Variants in AFF2 observed in about 807,000 individuals in gnomAD.
AFF2 encodes ALF transcription elongation factor 2, also known as AF4/FMR2 family member 2.
AFF2 carries 14 observed loss-of-function variants against 76.9 expected under a neutral mutation model. The ratio of observed to expected loss-of-function variants is 0.18; its 90% CI spans 0.12 to 0.28. AFF2 has a LOEUF of 0.28. Among genes scored for constraint, AFF2 ranks in the 10% least tolerant of loss-of-function variants. The pLI is 1.00. For missense variants in AFF2, 868 were observed against 1,001.1 expected (o/e 0.87, Z 1.79); for synonymous variants, 398 against 366.7 (o/e 1.09, Z -0.98).
chrX:148,797,967 C>T (rs916036700), intron 3 of AFF2, among the ~76,000 whole-genome samples: 1 of 112,261 alleles, frequency 8.9e-6, no homozygotes, highest in Non-Finnish European at 1.9e-5. Flanking sequence ...TATACCCTCC[C>T]TGTCTTAGTC....
At chrX:148,756,368 G>C (rs1557266891) in intron 3 of AFF2, among the ~76,000 whole-genome samples, 1 of 112,315 alleles carries the variant, frequency 8.9e-6, no homozygotes, top group Non-Finnish European at 1.9e-5. Context: ...TGTGTACCTT[G>C]AACTGGGAAT....
At chrX:148,680,015 T>A (rs1376088994) in intron 3 of AFF2, among the ~76,000 whole-genome samples, 2 of 112,073 alleles carry the variant, frequency 1.8e-5, no homozygotes, top group African/African-American at 3.2e-5. Context: ...TCCAAGAAAA[T>A]CAATGTTTCA....
chrX:148,559,245 T>A (rs371028280), intron 1 of AFF2, among the ~76,000 whole-genome samples: 1 of 111,688 alleles, frequency 9.0e-6, no homozygotes, highest in South Asian at 3.8e-4. Context: ...TCAAGACGCA[T>A]GCAGAAAAAT....
chrX:148,861,611 T>C (rs2070848793), intron 7 of AFF2, among the ~76,000 whole-genome samples: 1 of 111,343 alleles, frequency 9.0e-6, no homozygotes, highest in Admixed American at 9.6e-5. Flanking sequence ...AGAATTTTTT[T>C]TCCCAGAATC....
chrX:148,969,316 G>C (rs1232062679), intron 15 of AFF2, among the ~76,000 whole-genome samples: 1 of 112,638 alleles, frequency 8.9e-6, no homozygotes, highest in Non-Finnish European at 1.9e-5. Flanking sequence ...TTGCAATGGG[G>C]TGTGACCCTC....
chrX:148,870,142 C>T (rs782637503), intron 7 of AFF2, among the ~76,000 whole-genome samples: 54 of 111,278 alleles, frequency 4.9e-4, no homozygotes, highest in Non-Finnish European at 7.7e-4. Context: ...TCCCATCCTA[C>T]GTAGAGGGAA....
chrX:148,986,654 G>A (rs184709339), intron 19 of AFF2, among the ~76,000 whole-genome samples: 1 of 112,761 alleles, frequency 8.9e-6, no homozygotes, highest in East Asian at 2.8e-4. Context: ...CTGCTCCTTG[G>A]GGGGCTGTAA....
At chrX:148,629,695 C>T (rs1474546813) in intron 1 of AFF2, among the ~76,000 whole-genome samples, 1 of 111,854 alleles carries the variant, frequency 8.9e-6, no homozygotes, top group African/African-American at 3.3e-5. Context: ...TTCCCTTGAA[C>T]ACTGACATGC....
chrX:148,911,934 C>T (rs376479448), intron 9 of AFF2, among the ~76,000 whole-genome samples: 25 of 111,924 alleles, frequency 2.2e-4, no homozygotes, highest in African/African-American at 7.5e-4. Context: ...GATATATGCA[C>T]GTGTATGTTC....
intron 1 of AFF2, among the ~76,000 whole-genome samples, chrX:148,502,237 T>G (rs1206010347): frequency 8.9e-6 from 1 of 112,396 alleles, no homozygotes; most frequent in Non-Finnish European, 1.9e-5. Flanking sequence ...TAGAATGATC[T>G]GTAGTACCTA....
At chrX:148,617,713 T>C (rs2124413809) in intron 1 of AFF2, among the ~76,000 whole-genome samples, 1 of 112,747 alleles carries the variant, frequency 8.9e-6, no homozygotes, top group Admixed American at 9.4e-5. Context: ...TGTTTACTCC[T>C]TGTAAAATCT....
chrX:148,990,615 TGTCCTAG>T (rs1325886930), intron 20 of AFF2, among the ~76,000 whole-genome samples: 22 of 112,275 alleles, frequency 2.0e-4, no homozygotes, highest in Non-Finnish European at 5.6e-5. Flanking sequence ...TTACCATTAA[TGTCCTAG>T]GTCAGGGGCT....
intron 3 of AFF2, among the ~76,000 whole-genome samples, chrX:148,759,957 A>G (rs889292244): frequency 8.9e-6 from 1 of 112,169 alleles, no homozygotes; most frequent in East Asian, 2.8e-4. Context: ...TTGTGAAAGC[A>G]ATTGTGAATT....
At chrX:148,977,825 C>G (rs185674770) in intron 16 of AFF2, 108 bp from the exon 17 acceptor site, 84 of 583,405 alleles carry the variant, frequency 1.4e-4, no homozygotes, top group Admixed American at 3.0e-4. Context: ...TCCTCTTGCC[C>G]AGAACAAATG....
chrX:148,746,206 C>T (rs974045220), intron 3 of AFF2, among the ~76,000 whole-genome samples: 8 of 112,143 alleles, frequency 7.1e-5, no homozygotes, highest in Non-Finnish European at 1.3e-4. Flanking sequence ...CAATAGTCTT[C>T]TACTTACATA....
At chrX:148,841,459 A>T (rs148183710) in intron 5 of AFF2, among the ~76,000 whole-genome samples, 59 of 111,955 alleles carry the variant, frequency 5.3e-4, no homozygotes, top group African/African-American at 1.8e-3. Flanking sequence ...TAAAGATTAT[A>T]TCAAGCATGC....
intron 1 of AFF2, among the ~76,000 whole-genome samples, chrX:148,517,116 T>A (rs1441339441): frequency 6.3e-5 from 7 of 111,920 alleles, no homozygotes; most frequent in Admixed American, 5.7e-4. Flanking sequence ...GTGATATTTG[T>A]ATAAATGGCC....
intron 3 of AFF2, among the ~76,000 whole-genome samples, chrX:148,794,468 G>A (rs2069941696): frequency 9.0e-6 from 1 of 111,630 alleles, no homozygotes. Context: ...CAGCATCAAG[G>A]TGCTGAACTC....
At chrX:148,617,873 A>G (rs1480159570) in intron 1 of AFF2, among the ~76,000 whole-genome samples, 2 of 112,205 alleles carry the variant, frequency 1.8e-5, no homozygotes, top group African/African-American at 6.5e-5. Flanking sequence ...TAAAACTTTG[A>G]TTTAAAAAAT....
Sources: gnomAD v4.1 joint callset for allele counts (sites outside exome capture counted in the v4.1 genomes callset) on GRCh38, gnomAD v4.1.1 for gene constraint, MANE v1.5 for transcripts, NCBI Gene and HGNC (gene_info 2026-07-23, HGNC 2026-07-21) for gene names.